The following IDNK variants were observed in gnomAD, a reference collection of about 807,000 sequenced individuals.
IDNK encodes the protein IDNK gluconokinase.
Under a neutral mutation model 13.0 loss-of-function variants are expected in IDNK, and 9 were observed. The observed-to-expected ratio is 0.69, with a 90% CI of 0.42 to 1.21. The LOEUF (loss-of-function observed/expected upper bound fraction) is 1.21, where lower values mean the gene tolerates loss of function less well. Among genes scored for constraint, IDNK ranks in the 50% most tolerant of loss-of-function variants. The pLI, the probability that IDNK is intolerant of heterozygous loss-of-function variation, is 0.00. For synonymous variants in IDNK, 92 were observed against 94.9 expected (o/e 0.97, Z 0.18); for missense variants, 210 against 237.8 (o/e 0.88, Z 0.77).
chr9:83,625,376 C>T (rs578256763), intron 1 of IDNK, among the ~76,000 whole-genome samples: 94 of 152,216 alleles, frequency 6.2e-4, no homozygotes, highest in African/African-American at 2.2e-3. Flanking sequence ...GTTGGATGTC[C>T]AAGTCTGAAG....
intron 3 of IDNK, among the ~76,000 whole-genome samples, chr9:83,629,280 A>C (rs188731871): frequency 2.6e-5 from 4 of 152,306 alleles, no homozygotes; most frequent in Non-Finnish European, 2.9e-5. Context: ...GGAAGTCCTC[A>C]TCTTCTCTTC....
At chr9:83,642,163 C>T (rs952454489) in intron 4 of IDNK, among the ~76,000 whole-genome samples, 3 of 152,158 alleles carry the variant, frequency 2.0e-5, no homozygotes, top group Non-Finnish European at 4.4e-5. Context: ...GGGTCCCCCC[C>T]CAACAGCACC....
chr9:83,626,824 G>C (rs1830865441), intron 1 of IDNK: 17 of 1,115,760 alleles, frequency 1.5e-5, no homozygotes, highest in Non-Finnish European at 1.9e-5. Context: ...TCCCTGCGCA[G>C]CCTTCAATAG....
At chr9:83,638,140 T>A (rs1180674481) in intron 3 of IDNK, among the ~76,000 whole-genome samples, 7 of 151,592 alleles carry the variant, frequency 4.6e-5, no homozygotes, top group Non-Finnish European at 8.8e-5. Flanking sequence ...GAAACTACAA[T>A]CAGAAACTAT....
At chr9:83,634,328 TTAAA>T (rs1218715010) in intron 3 of IDNK, among the ~76,000 whole-genome samples, 11 of 152,234 alleles carry the variant, frequency 7.2e-5, no homozygotes, top group African/African-American at 2.4e-4. Context: ...CTATTTTTGT[TTAAA>T]TAGTTTTATA....
At chr9:83,623,714 A>T (rs2131614196) in intron 1 of IDNK, among the ~76,000 whole-genome samples, 1 of 152,336 alleles carries the variant, frequency 6.6e-6, no homozygotes, top group South Asian at 2.1e-4. Flanking sequence ...TGGAAAGTGA[A>T]TCGTTTTCCC....
upstream of IDNK, chr9:83,623,112 G>T (rs1830742773): frequency 7.4e-7 from 1 of 1,359,964 alleles, no homozygotes. Flanking sequence ...CCCCTCGAGC[G>T]CCGGGTAGGC....
intron 3 of IDNK, among the ~76,000 whole-genome samples, chr9:83,635,230 T>A (rs777281715): frequency 2.6e-5 from 4 of 152,178 alleles, no homozygotes; most frequent in African/African-American, 7.2e-5. Context: ...CCAATCAGGT[T>A]TACAAGTTCC....
intron 1 of IDNK, among the ~76,000 whole-genome samples, chr9:83,624,125 G>A (rs1482189939): frequency 6.6e-6 from 1 of 152,206 alleles, no homozygotes; most frequent in Admixed American, 6.5e-5. Context: ...CAGCCACAAA[G>A]ATAAAAAGAA....
chr9:83,643,413 TTC>T lies in IDNK; in HGVS notation c.213-14_213-13del. 2.6e-6 allele frequency: 4 copies of T among 1,564,230 alleles called. No individual in the cohort carries two copies. Among genetic ancestry groups the T allele is most frequent in the Non-Finnish European group, 3.5e-6 (4 of 1,155,688 alleles). On this transcript the variant is annotated splice_polypyrimidine_tract_variant and intron_variant, in intron 4 of 4. Transcript: ENST00000376419. ...CTTCTTTAGCCTCCCTCTTTTTTTT[TTC>T]TTTTTCTAAACAGAGATGTAGCCTC...
At chr9:83,625,081 A>C (rs1830813921) in intron 1 of IDNK, among the ~76,000 whole-genome samples, 1 of 152,154 alleles carries the variant, frequency 6.6e-6, no homozygotes, top group South Asian at 2.1e-4. Context: ...GCATGATGGG[A>C]GATGAAGTCA....
upstream of IDNK, chr9:83,623,111 C>G: frequency 7.4e-7 from 1 of 1,353,478 alleles, no homozygotes. Flanking sequence ...GCCCCTCGAG[C>G]GCCGGGTAGG....
At chr9:83,623,496 C>CT (rs1179289453) in intron 1 of IDNK, 6 of 423,618 alleles carry the variant, frequency 1.4e-5, no homozygotes, top group African/African-American at 2.1e-5. Context: ...GAAGCCGCTC[C>CT]TGAACAGGCG....
At chr9:83,623,413 T>A in intron 1 of IDNK, 192 bp downstream of exon 1, 1 of 595,836 alleles carries the variant, frequency 1.7e-6, no homozygotes, top group Non-Finnish European at 2.9e-6. Flanking sequence ...GGGGCGCCCA[T>A]CCTGGGACCG....
At chr9:83,637,852 A>G (rs1831205397) in intron 3 of IDNK, among the ~76,000 whole-genome samples, 1 of 152,186 alleles carries the variant, frequency 6.6e-6, no homozygotes, top group African/African-American at 2.4e-5. Context: ...AAGTCCTCAT[A>G]TAAGGGCTGT....
intron 3 of IDNK, among the ~76,000 whole-genome samples, chr9:83,640,947 T>A (rs1274138489): frequency 6.6e-6 from 1 of 152,212 alleles, no homozygotes; most frequent in Non-Finnish European, 1.5e-5. Context: ...TAGAAAGTTT[T>A]TTTTGTTTTG....
intron 3 of IDNK, among the ~76,000 whole-genome samples, chr9:83,633,006 CTTTATCT>C (rs954636714): frequency 3.9e-5 from 6 of 152,192 alleles, no homozygotes; most frequent in South Asian, 4.1e-4. Flanking sequence ...TTGAAATTAT[CTTTATCT>C]TTTAAGATTT....
chr9:83,641,012 T>C (rs533763488), intron 3 of IDNK, among the ~76,000 whole-genome samples: 1 of 152,342 alleles, frequency 6.6e-6, no homozygotes, highest in East Asian at 1.9e-4. Flanking sequence ...GGAGAGAATT[T>C]ACTTGTCTCA....
intron 3 of IDNK, among the ~76,000 whole-genome samples, chr9:83,635,356 A>C (rs536364109): frequency 2.0e-4 from 31 of 152,268 alleles, no homozygotes; most frequent in Non-Finnish European, 4.0e-4. Flanking sequence ...GAGGTTTCTT[A>C]GTGAACATGG....
Sources: allele counts gnomAD v4.1 joint callset (sites outside exome capture counted in the v4.1 genomes callset), GRCh38; gene constraint gnomAD v4.1.1; transcripts MANE v1.5; gene names NCBI Gene and HGNC (gene_info 2026-07-23, HGNC 2026-07-21).